The following CACNA2D1 variants were observed in gnomAD, a reference collection of about 807,000 sequenced individuals.
The protein encoded by CACNA2D1 is calcium voltage-gated channel auxiliary subunit alpha2delta 1.
In CACNA2D1, 53 loss-of-function variants were observed where a neutral mutation model predicts 171.5. The observed-to-expected ratio is 0.31, with a 90% CI of 0.25 to 0.39. CACNA2D1 has a LOEUF of 0.39. Among genes scored for constraint, CACNA2D1 ranks in the 10% least tolerant of loss-of-function variants. CACNA2D1 has a pLI of 1.00. For synonymous variants in CACNA2D1, 442 were observed against 443.1 expected, an observed-to-expected ratio of 1.00 and a Z score of 0.03; for missense variants, 903 against 1,299.8, an observed-to-expected ratio of 0.69 and a Z score of 4.69.
At chr7:82,277,390 T>C (rs1585309718) in intron 3 of CACNA2D1, among the ~76,000 whole-genome samples, 2 of 152,058 alleles carry the variant, frequency 1.3e-5, no homozygotes, top group South Asian at 4.1e-4. Context: ...TCAGTAGAGA[T>C]GGGGTTTCAC....
At chr7:82,118,810 T>C (rs958990782) in intron 5 of CACNA2D1, among the ~76,000 whole-genome samples, 2 of 152,014 alleles carry the variant, frequency 1.3e-5, no homozygotes, top group African/African-American at 4.8e-5. Flanking sequence ...CAAGACTCCT[T>C]AAGGTACAAT....
At chr7:82,081,306 T>C (rs1210570329) in intron 7 of CACNA2D1, among the ~76,000 whole-genome samples, 1 of 152,194 alleles carries the variant, frequency 6.6e-6, no homozygotes, top group Non-Finnish European at 1.5e-5. Flanking sequence ...AAAAATTTTT[T>C]AATCATGTCA....
At chr7:82,091,362 T>C (rs1811136196) in intron 6 of CACNA2D1, among the ~76,000 whole-genome samples, 1 of 152,200 alleles carries the variant, frequency 6.6e-6, no homozygotes, top group South Asian at 2.1e-4. Flanking sequence ...GGTACAAATA[T>C]GAAAAGGCCC....
intron 7 of CACNA2D1, among the ~76,000 whole-genome samples, chr7:82,068,060 TTGTTC>T (rs1430099963): frequency 3.3e-4 from 50 of 152,294 alleles, no homozygotes; most frequent in African/African-American, 1.1e-3. Flanking sequence ...TTTTTCTTCC[TTGTTC>T]TGGTTTGTTT....
rs115519017 is a variant in CACNA2D1 at position 82,384,799 on chromosome 7, C to T, written c.96-35150G>A. On this transcript the variant is annotated intron_variant, in intron 1 of 38. Coordinates refer to ENST00000356860, the MANE Select transcript of CACNA2D1 (RefSeq NM_000722.4). ...TTTCATGTAATTTGAGATCAGTAGA[C>T]GTTAGGACAGAAATCAACAAAAAAT... Among the ~76,000 whole-genome samples, 1,363 of 152,158 alleles carry T rather than the reference C, an allele frequency of 9.0e-3. 17 individuals are homozygous for T. The highest frequency in any genetic ancestry group is 0.031 in the African/African-American group (1,268 of 41,484).
chr7:82,000,557 A>G (rs757468625), intron 18 of CACNA2D1, among the ~76,000 whole-genome samples: 9 of 151,862 alleles, frequency 5.9e-5, no homozygotes, highest in Non-Finnish European at 1.0e-4. Context: ...CCATCTCTTA[A>G]TAACATATTA....
chr7:82,306,209 T>A (rs1405805659), intron 3 of CACNA2D1, among the ~76,000 whole-genome samples: 1 of 152,168 alleles, frequency 6.6e-6, no homozygotes, highest in African/African-American at 2.4e-5. Context: ...GAATCACTAT[T>A]TTTTGGTCTC....
intron 1 of CACNA2D1, among the ~76,000 whole-genome samples, chr7:82,377,829 A>G (rs1168775804): frequency 6.6e-6 from 1 of 152,146 alleles, no homozygotes; most frequent in Non-Finnish European, 1.5e-5. Context: ...GTTGATGTTA[A>G]AAACAAAACA....
intron 3 of CACNA2D1, among the ~76,000 whole-genome samples, chr7:82,293,727 G>A (rs990542837): frequency 6.6e-6 from 1 of 152,168 alleles, no homozygotes; most frequent in Non-Finnish European, 1.5e-5. Context: ...CCAGGGCTGA[G>A]TTCAGTATGG....
intron 3 of CACNA2D1, among the ~76,000 whole-genome samples, chr7:82,174,433 T>A (rs1468374901): frequency 1.3e-5 from 2 of 152,088 alleles, no homozygotes; most frequent in Non-Finnish European, 2.9e-5. Context: ...AAGTAATAGA[T>A]GTGTTAAGAA....
intron 1 of CACNA2D1, among the ~76,000 whole-genome samples, chr7:82,386,711 C>A (rs1395612756): frequency 6.7e-6 from 1 of 149,342 alleles, no homozygotes; most frequent in Non-Finnish European, 1.5e-5. Flanking sequence ...CCAGCCTGGG[C>A]AATAAGAGCA....
chr7:82,254,759 C>T (rs1379693854), intron 3 of CACNA2D1, among the ~76,000 whole-genome samples: 2 of 152,130 alleles, frequency 1.3e-5, no homozygotes, highest in African/African-American at 2.4e-5. Flanking sequence ...ACTGTTGATA[C>T]ATATAATCTT....
chr7:82,230,688 C>CA (rs1232522721), intron 3 of CACNA2D1, among the ~76,000 whole-genome samples: 3 of 152,078 alleles, frequency 2.0e-5, no homozygotes, highest in Non-Finnish European at 2.9e-5. Context: ...GTTTATCCTA[C>CA]AAAAAACCAA....
chr7:82,108,818 T>C (rs1376222943), intron 6 of CACNA2D1, among the ~76,000 whole-genome samples: 3 of 152,204 alleles, frequency 2.0e-5, no homozygotes, highest in African/African-American at 7.2e-5. Context: ...ACTTATTAAT[T>C]ATGGTCAAAT....
intron 3 of CACNA2D1, among the ~76,000 whole-genome samples, chr7:82,239,598 A>C (rs1273339962): frequency 6.6e-6 from 1 of 152,220 alleles, no homozygotes; most frequent in Non-Finnish European, 1.5e-5. Flanking sequence ...AGAAAGAGAC[A>C]AGGAATAATA....
At chr7:82,078,179 A>G (rs2129001970) in intron 7 of CACNA2D1, among the ~76,000 whole-genome samples, 1 of 152,300 alleles carries the variant, frequency 6.6e-6, no homozygotes, top group African/African-American at 2.4e-5. Context: ...TTTGAAATTA[A>G]CAAACGAGGC....
intron 3 of CACNA2D1, among the ~76,000 whole-genome samples, chr7:82,185,543 GGGAGGGGGAGGAGGGGGA>G (rs1563172773): frequency 2.4e-4 from 10 of 41,414 alleles, no homozygotes; most frequent in East Asian, 9.4e-4. Context: ...GGGGAGGAAG[GGGAGGGGGAGGAGGGGGA>G]GGGGGAGGAG....
At chr7:82,156,791 T>C (rs1794422635) in intron 4 of CACNA2D1, among the ~76,000 whole-genome samples, 2 of 152,222 alleles carry the variant, frequency 1.3e-5, no homozygotes, top group East Asian at 3.9e-4. Flanking sequence ...GTTGAACTTT[T>C]TCTCAAAGGC....
intron 3 of CACNA2D1, among the ~76,000 whole-genome samples, chr7:82,171,447 C>A (rs1278147665): frequency 1.3e-5 from 2 of 151,902 alleles, no homozygotes; most frequent in Non-Finnish European, 2.9e-5. Context: ...GTTGGGGACC[C>A]GACTGCCTAG....
Sources: allele counts gnomAD v4.1 joint callset (sites outside exome capture counted in the v4.1 genomes callset), GRCh38; gene constraint gnomAD v4.1.1; transcripts MANE v1.5; gene names NCBI Gene and HGNC (gene_info 2026-07-23, HGNC 2026-07-21).